CFAP20DC: variants seen among roughly 807,000 people sequenced by gnomAD.
CFAP20DC encodes the protein protein CFAP20DC.
CFAP20DC carries 84 observed loss-of-function variants against 101.7 expected under a neutral mutation model. The ratio of observed to expected loss-of-function variants is 0.83; its 90% CI spans 0.69 to 0.99. The LOEUF is 0.99. CFAP20DC is among the 50% of genes least tolerant of loss of function. The pLI, the probability that CFAP20DC is intolerant of heterozygous loss-of-function variation, is 0.00. For missense variants in CFAP20DC, 1,007 were observed against 970.3 expected, an observed-to-expected ratio of 1.04 and a Z score of -0.50; for synonymous variants, 359 against 351.2, an observed-to-expected ratio of 1.02 and a Z score of -0.25.
intron 5 of CFAP20DC, among the ~76,000 whole-genome samples, chr3:58,925,781 C>T (rs527279680): frequency 6.6e-6 from 1 of 152,140 alleles, no homozygotes; most frequent in South Asian, 2.1e-4. Flanking sequence ...TGCTCAAGGG[C>T]CTATAGTCAG....
intron 5 of CFAP20DC, among the ~76,000 whole-genome samples, chr3:58,922,765 T>C (rs994431673): frequency 2.0e-5 from 3 of 152,126 alleles, no homozygotes; most frequent in African/African-American, 7.2e-5. Flanking sequence ...TATTCCTTTA[T>C]AGCAACACAA....
Position 59,002,851 on chromosome 3 carries a change from C to T in CFAP20DC, c.278+36706G>A, listed in dbSNP as rs922916723. On this transcript the variant is annotated intron_variant, in intron 4 of 16. Coordinates refer to ENST00000482387, the MANE Select transcript of CFAP20DC (RefSeq NM_001394063.1). This position sits in a 1 kb window ranked among gnomAD's most constrained non-coding sequence, Gnocchi z 4.5. ...CACTTCTTATCATCAAACTTATCCT[C>T]ACATTAAGGAGGCATTTTCATTTTC... Among the ~76,000 whole-genome samples the T allele has an allele frequency of 3.3e-5, 5 of 152,178 alleles. No individual in the cohort carries two copies. The highest frequency in any genetic ancestry group is 1.2e-4 in the African/African-American group (5 of 41,450).
At chr3:58,862,894 T>C (rs1451160367) in intron 12 of CFAP20DC, 1 of 979,678 alleles carries the variant, frequency 1.0e-6, no homozygotes, top group Admixed American at 6.1e-5. Flanking sequence ...TATCAATGTA[T>C]TAGGTTTTAA....
At chr3:58,841,165 T>C (rs370847688) in intron 13 of CFAP20DC, among the ~76,000 whole-genome samples, 20 of 152,350 alleles carry the variant, frequency 1.3e-4, no homozygotes, top group African/African-American at 4.1e-4. Context: ...AATGAACATA[T>C]GTCTAACACA....
intron 5 of CFAP20DC, among the ~76,000 whole-genome samples, chr3:58,932,723 T>G (rs1175919412): frequency 2.6e-5 from 4 of 152,236 alleles, no homozygotes; most frequent in African/African-American, 9.6e-5. Context: ...AAGCAAATGC[T>G]GAGACATTTT....
Position 58,971,084 on chromosome 3 carries a change from T to C in CFAP20DC, c.279-33322A>G, listed in dbSNP as rs1227351561. Among the ~76,000 whole-genome samples, 1 of 152,192 alleles carries C rather than the reference T, an allele frequency of 6.6e-6. No homozygotes were observed. Among genetic ancestry groups the C allele is most frequent in the Non-Finnish European group, 1.5e-5 (1 of 68,016 alleles). ...CAAATTCACCCTTCATTTTAGGAGA[T>C]ATCAAGCACTGTAACCTTTTGTTAA... On this transcript the variant is annotated intron_variant, in intron 4 of 16. Transcript: ENST00000482387. The surrounding 1 kb of genome is among the most constrained non-coding windows in gnomAD (Gnocchi z 4.1).
At chr3:58,877,958 T>C (rs1471425955) in intron 7 of CFAP20DC, among the ~76,000 whole-genome samples, 2 of 151,940 alleles carry the variant, frequency 1.3e-5, no homozygotes, top group African/African-American at 2.4e-5. Context: ...GGGGAGGGCA[T>C]GGAAAAGGGA....
chr3:58,919,379 T>C (rs999946387), intron 5 of CFAP20DC, among the ~76,000 whole-genome samples: 2 of 152,238 alleles, frequency 1.3e-5, no homozygotes, highest in Non-Finnish European at 2.9e-5. Flanking sequence ...CTGTTGTTTA[T>C]TGGTATCTGT....
intron 4 of CFAP20DC, among the ~76,000 whole-genome samples, chr3:58,996,455 G>A (rs1435555608): frequency 6.6e-6 from 1 of 152,148 alleles, no homozygotes; most frequent in Non-Finnish European, 1.5e-5. Context: ...GATACAGATA[G>A]ATTACAAATA....
chr3:58,913,636 T>C lies in CFAP20DC; in HGVS notation c.550+72A>G, dbSNP rs1391399427. 1 of 1,481,380 alleles carries C rather than the reference T, an allele frequency of 6.8e-7. No individual in the cohort carries two copies. The allele number at this position is 1,481,380 out of a possible 1,614,324, so 91.8% of individuals were successfully genotyped here. A position where few individuals can be genotyped will look rare whatever the true frequency, so the allele number is the denominator to read the frequency against. On this transcript the variant is annotated intron_variant, in intron 6 of 16. Coordinates refer to ENST00000482387, the MANE Select transcript of CFAP20DC (RefSeq NM_001394063.1). The surrounding 1 kb of genome is among the most constrained non-coding windows in gnomAD (Gnocchi z 4.4). ...TCAAACTGCTACCACACACTCATACTATCCCAAAGGTATGGCTAATTTTAA... is the reference window on the plus strand; with the variant it reads ...TCAAACTGCTACCACACACTCATACCATCCCAAAGGTATGGCTAATTTTAA...
Position 58,971,837 on chromosome 3 carries a change from G to A in CFAP20DC, c.279-34075C>T, listed in dbSNP as rs2091964227. On this transcript the variant is annotated intron_variant, in intron 4 of 16. Transcript: ENST00000482387. This position sits in a 1 kb window ranked among gnomAD's most constrained non-coding sequence, Gnocchi z 4.1. ...GTATGATTCCACTTGTGGGAAAAAGGACTGTAATATCATACACACGCACAC... is the reference window on the plus strand; with the variant it reads ...GTATGATTCCACTTGTGGGAAAAAGAACTGTAATATCATACACACGCACAC... 6.6e-6 allele frequency among the ~76,000 whole-genome samples: 1 copy of A among 150,548 alleles called. No individual in the cohort carries two copies. The highest frequency in any genetic ancestry group is 2.1e-4 in the South Asian group (1 of 4,780).
At chr3:58,923,099 G>A (rs2085566004) in intron 5 of CFAP20DC, among the ~76,000 whole-genome samples, 1 of 152,014 alleles carries the variant, frequency 6.6e-6, no homozygotes, top group African/African-American at 2.4e-5. Context: ...TAGAGATGGG[G>A]TTTCGCCATG....
At chr3:59,016,017 G>C (rs1022384002) in intron 4 of CFAP20DC, among the ~76,000 whole-genome samples, 4 of 152,064 alleles carry the variant, frequency 2.6e-5, no homozygotes, top group African/African-American at 9.7e-5. Flanking sequence ...GTGGGTTTTT[G>C]GGAATTCCCT....
At chr3:58,906,374 G>A (rs754128084) in intron 6 of CFAP20DC, among the ~76,000 whole-genome samples, 55 of 151,848 alleles carry the variant, frequency 3.6e-4, no homozygotes, top group Admixed American at 7.9e-4. Flanking sequence ...CTTTTCTAAC[G>A]TCTATAATTA....
chr3:58,848,654 T>G (rs1575908726), intron 13 of CFAP20DC, among the ~76,000 whole-genome samples: 2 of 152,232 alleles, frequency 1.3e-5, no homozygotes, highest in Admixed American at 1.3e-4. Flanking sequence ...TTATGGCTCC[T>G]AATGTAGATT....
intron 4 of CFAP20DC, among the ~76,000 whole-genome samples, chr3:58,961,603 GA>G (rs2091142172): frequency 6.6e-6 from 1 of 151,964 alleles, no homozygotes; most frequent in South Asian, 2.1e-4. Context: ...TCTATTTTCT[GA>G]AATATTTGAC....
At chr3:58,743,081 C>T (rs984395052) in intron 16 of CFAP20DC, among the ~76,000 whole-genome samples, 1 of 152,034 alleles carries the variant, frequency 6.6e-6, no homozygotes, top group Non-Finnish European at 1.5e-5. Flanking sequence ...GAACAGACAA[C>T]ATACACAGAA....
chr3:58,789,321 T>G (rs2072651864), intron 15 of CFAP20DC, among the ~76,000 whole-genome samples: 1 of 152,092 alleles, frequency 6.6e-6, no homozygotes. Context: ...GACTTAATGG[T>G]GCAGAAAGAG....
chr3:58,903,095 T>C (rs1346357546), intron 6 of CFAP20DC, among the ~76,000 whole-genome samples: 2 of 152,296 alleles, frequency 1.3e-5, no homozygotes, highest in East Asian at 3.9e-4. Context: ...TCTCACATGC[T>C]GTAGGTTTTC....
Sources: allele counts gnomAD v4.1 joint callset (sites outside exome capture counted in the v4.1 genomes callset), GRCh38; gene constraint gnomAD v4.1.1; non-coding constraint Gnocchi (gnomAD v3.1); transcripts MANE v1.5; gene names NCBI Gene and HGNC (gene_info 2026-07-23, HGNC 2026-07-21).